Variants in WWP1 observed in about 807,000 individuals in gnomAD.
WWP1 encodes the protein WW domain containing E3 ubiquitin protein ligase 1, also known as NEDD4-like E3 ubiquitin-protein ligase WWP1.
WWP1 carries 49 observed loss-of-function variants against 130.6 expected under a neutral mutation model. The ratio of observed to expected loss-of-function variants is 0.38; its 90% confidence interval spans 0.30 to 0.48. The LOEUF (loss-of-function observed/expected upper bound fraction) is 0.48. Ranked by LOEUF, WWP1 falls within the 20% of genes least tolerant of loss-of-function variation. WWP1 has a pLI of 0.99. For synonymous variants in WWP1, 332 were observed against 367.8 expected (o/e 0.90, Z 1.11); for missense variants, 809 against 1,100.6 (o/e 0.74, Z 3.75).
chr8:86,461,928 G>A, intron 24 of WWP1, 82 bp downstream of exon 24: 2 of 1,110,110 alleles, frequency 1.8e-6, no homozygotes, highest in South Asian at 1.3e-5. Flanking sequence ...GTAAGATCCA[G>A]TATAACTGCT....
chr8:86,408,713 C>T (rs2130547070), intron 8 of WWP1, among the ~76,000 whole-genome samples: 1 of 152,178 alleles, frequency 6.6e-6, no homozygotes, highest in African/African-American at 2.4e-5. Flanking sequence ...GTCAGGAGTT[C>T]GAGTCCAGCC....
In WWP1 at chr8:86,411,573, A is replaced by G. The variant is rs774912106; in HGVS notation, c.760A>G (p.Asn254Asp). ...ATCATCCTCATTTGCACCAACTGATAATGCGTCTGTCACGGGTACTCCAGT... is the reference window on the plus strand; with the variant it reads ...ATCATCCTCATTTGCACCAACTGATGATGCGTCTGTCACGGGTACTCCAGT... ...GESSSFAPTD[N>D]ASVTGTPVVS... is the part of the protein sequence containing the mutation. The change falls in exon 9 of 25, where the codon AAT becomes GAT. Residue 254 changes from asparagine (N) to aspartate (D), a missense_variant. By Grantham distance (23) the Asn-to-Asp change is conservative. Around this residue, in one of 3 missense-constraint regions of WWP1, gnomAD observed 262 missense variants for 346.0 expected, o/e 0.76. Transcript: ENST00000517970. The G allele has an allele frequency of 6.2e-7, 1 of 1,613,864 alleles. No homozygotes were observed. The highest frequency in any genetic ancestry group is 1.7e-5 in the Admixed American group (1 of 60,000).
At chr8:86,371,568 A>G (rs1824300304) in intron 2 of WWP1, among the ~76,000 whole-genome samples, 1 of 152,098 alleles carries the variant, frequency 6.6e-6, no homozygotes, top group African/African-American at 2.4e-5. Flanking sequence ...TGTGGTTTGT[A>G]TTTCTCTGAT....
chr8:86,428,224 T>C (rs551704885), intron 11 of WWP1, among the ~76,000 whole-genome samples: 17 of 152,322 alleles, frequency 1.1e-4, no homozygotes, highest in African/African-American at 4.1e-4. Context: ...CTGATTCTCT[T>C]CCCAGATTCT....
chr8:86,427,874 T>A, intron 11 of WWP1, 57 bp downstream of exon 11: 2 of 1,228,062 alleles, frequency 1.6e-6, no homozygotes, highest in African/African-American at 3.1e-5. Context: ...GTTTCTTTCT[T>A]TTTTTTTTTT....
intron 1 of WWP1, among the ~76,000 whole-genome samples, chr8:86,364,823 GAA>G (rs1164253424): frequency 7.1e-5 from 9 of 126,814 alleles, no homozygotes; most frequent in African/African-American, 1.2e-4. Context: ...AAGAAAGAAA[GAA>G]AGAAAGAAAG....
At chr8:86,348,021 C>A (rs1822686435) in intron 1 of WWP1, among the ~76,000 whole-genome samples, 1 of 152,004 alleles carries the variant, frequency 6.6e-6, no homozygotes. Flanking sequence ...AGATCATAAG[C>A]TCTACCATTG....
chr8:86,448,200 A>AG lies in WWP1; in HGVS notation c.2052dup (p.Arg685AlafsTer5). ...ACTGGTTTCTCTTTACCATTCTACAAGCGTATGTTAAGTAAAAAACTTACT... is the reference window on the plus strand; with the variant it reads ...ACTGGTTTCTCTTTACCATTCTACAAGGCGTATGTTAAGTAAAAAACTTACT... On this transcript the variant is annotated frameshift_variant, in exon 19 of 25. Transcript: ENST00000517970. LOFTEE classifies it high-confidence loss of function. 6.3e-7 allele frequency: 1 copy of AG among 1,581,052 alleles called. No individual in the cohort carries two copies. The highest frequency in any genetic ancestry group is 8.5e-7 in the Non-Finnish European group (1 of 1,172,186).
intron 5 of WWP1, among the ~76,000 whole-genome samples, chr8:86,389,266 A>G (rs1825471284): frequency 6.6e-6 from 1 of 152,084 alleles, no homozygotes; most frequent in Admixed American, 6.5e-5. Context: ...AAACATGTGA[A>G]CAAGGGTCTG....
chr8:86,425,601 AG>A (rs1164555987), intron 10 of WWP1, among the ~76,000 whole-genome samples: 7 of 152,158 alleles, frequency 4.6e-5, no homozygotes, highest in Admixed American at 6.5e-5. Flanking sequence ...GGTAGTATTT[AG>A]GACAGTTTAT....
chr8:86,387,709 A>G (rs950908449), intron 5 of WWP1, among the ~76,000 whole-genome samples: 1 of 152,082 alleles, frequency 6.6e-6, no homozygotes, highest in Non-Finnish European at 1.5e-5. Context: ...TTTTTGGTAG[A>G]GATGGGGTTT....
At chr8:86,391,974 G>C (rs1011773590) in intron 5 of WWP1, among the ~76,000 whole-genome samples, 1 of 152,210 alleles carries the variant, frequency 6.6e-6, no homozygotes, top group Non-Finnish European at 1.5e-5. Flanking sequence ...CTAAGAAAGA[G>C]TAGTCGGGGG....
chr8:86,462,134 G>C (rs1811802562), intron 24 of WWP1, among the ~76,000 whole-genome samples: 1 of 152,220 alleles, frequency 6.6e-6, no homozygotes, highest in Admixed American at 6.5e-5. Context: ...GTGCCCCATG[G>C]TGGGGCACAA....
Position 86,369,937 on chromosome 8 carries a change from C to T in WWP1, c.-22+906C>T, listed in dbSNP as rs941475155. On this transcript the variant is annotated intron_variant, in intron 2 of 24. Coordinates refer to ENST00000517970, the MANE Select transcript of WWP1 (RefSeq NM_007013.4). ...AAAAACCCATGTAATTTGAGTGTACCAGATAATATGTAACATATGCAAGTC... is the reference window on the plus strand; with the variant it reads ...AAAAACCCATGTAATTTGAGTGTACTAGATAATATGTAACATATGCAAGTC... Among the ~76,000 whole-genome samples the T allele has an allele frequency of 3.3e-5, 5 of 151,872 alleles. No homozygotes were observed. The East Asian group carries it at 7.8e-4, about 24-fold the overall frequency.
chr8:86,430,312 C>T (rs1276764664), intron 11 of WWP1, among the ~76,000 whole-genome samples: 1 of 152,006 alleles, frequency 6.6e-6, no homozygotes, highest in Non-Finnish European at 1.5e-5. Context: ...GCTTCTCGCT[C>T]TGTTGTGCAG....
At position 86,424,932 on chromosome 8, in the gene WWP1, G is replaced by T. The variant is rs542054555; in HGVS notation, c.1062-291G>T. 2.8e-4 allele frequency among the ~76,000 whole-genome samples: 43 copies of T among 151,858 alleles called. 1 individual carries two copies. In the South Asian group the frequency reaches 8.5e-3, roughly 30 times the overall value. On this transcript the variant is annotated intron_variant, in intron 9 of 24. Coordinates refer to ENST00000517970, the MANE Select transcript of WWP1 (RefSeq NM_007013.4). The stretch of plus-strand genomic sequence containing the variant: ...CTGTTTTCTGATAATTTGGAATTCT[G>T]TAAGTAACTTTTTAAAATGTGGGGT...
chr8:86,380,267 T>A (rs1824907067), intron 3 of WWP1, among the ~76,000 whole-genome samples: 1 of 152,074 alleles, frequency 6.6e-6, no homozygotes, highest in Non-Finnish European at 1.5e-5. Context: ...ACCCACATTA[T>A]ATGATTCCAT....
rs1189369639 is a variant in WWP1 at position 86,356,293 on chromosome 8, G to T, written c.-114-12646G>T. On this transcript the variant is annotated intron_variant, in intron 1 of 24. Transcript: ENST00000517970. ...CATCTCTTTTTATATGTTAACTTAT[G>T]TTGATTCTGTAAGTTTGGAACCCAA... Among the ~76,000 whole-genome samples, 4 of 152,138 alleles carry T rather than the reference G, an allele frequency of 2.6e-5. No individual in the cohort carries two copies. The East Asian group carries it at 7.7e-4, about 29-fold the overall frequency.
intron 1 of WWP1, among the ~76,000 whole-genome samples, chr8:86,352,762 G>A (rs1003697139): frequency 6.6e-6 from 1 of 152,146 alleles, no homozygotes; most frequent in Non-Finnish European, 1.5e-5. Flanking sequence ...TAAGATAATT[G>A]CCAAGGACTT....
Sources: gnomAD v4.1 joint callset for allele counts (sites outside exome capture counted in the v4.1 genomes callset) on GRCh38, gnomAD v4.1.1 for gene constraint, gnomAD v4.1.1 regional missense constraint, MANE v1.5 for transcripts, NCBI Gene and HGNC (gene_info 2026-07-23, HGNC 2026-07-21) for gene names.